Variants in ELAVL3 observed in about 807,000 individuals in gnomAD.
The protein encoded by ELAVL3 is ELAV-like protein 3.
A neutral mutation model predicts 34.2 loss-of-function variants in ELAVL3; 8 were observed. The ratio of observed to expected loss-of-function variants is 0.23; its 90% CI spans 0.14 to 0.42. The LOEUF is 0.42. ELAVL3 is among the 10% of genes least tolerant of loss of function. The pLI, the probability that ELAVL3 is intolerant of heterozygous loss-of-function variation, is 1.00. For synonymous variants in ELAVL3, 209 were observed against 222.1 expected (o/e 0.94, Z 0.53); for missense variants, 273 against 518.8 (o/e 0.53, Z 4.60).
At position 11,454,251 on chromosome 19, in the gene ELAVL3, A is replaced by G. The variant is rs949062470; in HGVS notation, c.*275T>C. 15 of 425,516 alleles carry G rather than the reference A, an allele frequency of 3.5e-5. No individual in the cohort carries two copies. Among genetic ancestry groups the G allele is most frequent in the Admixed American group, 3.2e-4 (8 of 25,338 alleles). 26.4% of individuals were successfully genotyped at this position (425,516 alleles called of 1,614,324 possible). A position where few individuals can be genotyped will look rare whatever the true frequency, so the allele number is the denominator to read the frequency against. On this transcript the variant is annotated 3_prime_UTR_variant, in exon 7 of 7. Transcript: ENST00000359227. The surrounding 1 kb of genome is among the most constrained non-coding windows in gnomAD (Gnocchi z 9.2). ...GCCGAAAAAAGAAACAAAAACCTTCACCATGAACCAAACCAAGACGAGAGA... is the reference window on the plus strand; with the variant it reads ...GCCGAAAAAAGAAACAAAAACCTTCGCCATGAACCAAACCAAGACGAGAGA...
chr19:11,466,875 G>C lies in ELAVL3; in HGVS notation c.10-48C>G. The C allele has an allele frequency of 6.6e-7, 1 of 1,513,740 alleles. No homozygotes were observed. The highest frequency in any genetic ancestry group is 9.0e-7 in the Non-Finnish European group (1 of 1,114,374). 93.8% of individuals were successfully genotyped at this position (1,513,740 alleles called of 1,614,324 possible). A position where few individuals can be genotyped will look rare whatever the true frequency, so the allele number is the denominator to read the frequency against. ...GCTCACCGCCCAGTCCCCACACCAGGGGCCTGCGGCAATGAGTGGCTTGGT... is the reference window on the plus strand; with the variant it reads ...GCTCACCGCCCAGTCCCCACACCAGCGGCCTGCGGCAATGAGTGGCTTGGT... On this transcript the variant is annotated intron_variant, in intron 1 of 6. Coordinates refer to ENST00000359227, the MANE Select transcript of ELAVL3 (RefSeq NM_001420.4). The surrounding 1 kb of genome is among the most constrained non-coding windows in gnomAD (Gnocchi z 5.0).
Position 11,457,053 on chromosome 19 carries a change from G to T in ELAVL3, c.752+57C>A, listed in dbSNP as rs952382361. The T allele has an allele frequency of 3.2e-5, 45 of 1,413,590 alleles. No individual in the cohort carries two copies. In the Middle Eastern group the frequency reaches 1.4e-3, roughly 45 times the overall value. The allele number at this position is 1,413,590 out of a possible 1,614,324, so 87.6% of individuals were successfully genotyped here. A position where few individuals can be genotyped will look rare whatever the true frequency, so the allele number is the denominator to read the frequency against. On this transcript the variant is annotated intron_variant, in intron 6 of 6. Transcript: ENST00000359227. ...AGCCCTGGGGGTGAGCTGGGGAGGGGTGCATCAGGGGCATGGATGGTGAGG... is the reference window on the plus strand; with the variant it reads ...AGCCCTGGGGGTGAGCTGGGGAGGGTTGCATCAGGGGCATGGATGGTGAGG...
Position 11,453,547 on chromosome 19 carries a change from G to A in ELAVL3, c.*979C>T, listed in dbSNP as rs1458337304. 6.5e-6 allele frequency: 1 copy of A among 152,792 alleles called. No individual in the cohort carries two copies. The highest frequency in any genetic ancestry group is 1.5e-5 in the Non-Finnish European group (1 of 68,066). 9.5% of individuals were successfully genotyped at this position (152,792 alleles called of 1,614,324 possible). A position where few individuals can be genotyped will look rare whatever the true frequency, so the allele number is the denominator to read the frequency against. ...ACGTGTGCACGTGGACAGGTGGATG[G>A]ATTCGTGTGCCCACATCTGTGGTCT... On this transcript the variant is annotated 3_prime_UTR_variant, in exon 7 of 7. Transcript: ENST00000359227.
chr19:11,476,460 A>G (rs2144914469), intron 1 of ELAVL3, among the ~76,000 whole-genome samples: 1 of 152,182 alleles, frequency 6.6e-6, no homozygotes, highest in African/African-American at 2.4e-5. Flanking sequence ...GAGAGGATCA[A>G]CTTGAGCCCA....
In ELAVL3 at chr19:11,458,047, G is replaced by A; in HGVS notation, c.713+14C>T. 1.9e-6 allele frequency: 3 copies of A among 1,609,168 alleles called. No individual in the cohort carries two copies. Among genetic ancestry groups the A allele is most frequent in the Non-Finnish European group, 2.5e-6 (3 of 1,179,736 alleles). ...GCACCCGGCCTGGGGCCATCTGGCT[G>A]GCAGGGGGCTCACCGGAAACGCTGG... On this transcript the variant is annotated intron_variant, in intron 5 of 6. Coordinates refer to ENST00000359227, the MANE Select transcript of ELAVL3 (RefSeq NM_001420.4). The surrounding 1 kb of genome is among the most constrained non-coding windows in gnomAD (Gnocchi z 7.3).
intron 6 of ELAVL3, 94 bp downstream of exon 6, chr19:11,457,016 G>A: frequency 8.3e-7 from 1 of 1,207,736 alleles, no homozygotes; most frequent in Non-Finnish European, 1.1e-6. Flanking sequence ...AGGCAAACAA[G>A]GCTAAGCCTG....
In ELAVL3 at chr19:11,480,448, A is replaced by C; in HGVS notation, c.9+152T>G. The C allele has an allele frequency of 1.1e-6, 1 of 944,888 alleles. No individual in the cohort carries two copies. The highest frequency in any genetic ancestry group is 1.4e-6 in the Non-Finnish European group (1 of 694,858). The allele number at this position is 944,888 out of a possible 1,614,324, so 58.5% of individuals were successfully genotyped here. On this transcript the variant is annotated intron_variant, in intron 1 of 6. Coordinates refer to ENST00000359227, the MANE Select transcript of ELAVL3 (RefSeq NM_001420.4). This position sits in a 1 kb window ranked among gnomAD's most constrained non-coding sequence, Gnocchi z 6.8. ...CAGCACTCTGGGCGCGGCCCTGCCC[A>C]CTCTCAGGCCCCGAGGCTTGGTCCT...
chr19:11,457,233 A>G (rs1051445060), intron 5 of ELAVL3, 85 bp from the exon 6 acceptor site: 1 of 983,258 alleles, frequency 1.0e-6, no homozygotes, highest in Admixed American at 6.2e-5. Flanking sequence ...CCCCACCCCC[A>G]CCCAACAGGC....
Position 11,454,930 on chromosome 19 carries a change from C to G in ELAVL3, c.753-53G>C. 5.2e-6 allele frequency: 8 copies of G among 1,530,758 alleles called. No homozygotes were observed. The highest frequency in any genetic ancestry group is 7.0e-6 in the Non-Finnish European group (8 of 1,139,412). 94.8% of individuals were successfully genotyped at this position (1,530,758 alleles called of 1,614,324 possible). On this transcript the variant is annotated intron_variant, in intron 6 of 6. Transcript: ENST00000359227. This position sits in a 1 kb window ranked among gnomAD's most constrained non-coding sequence, Gnocchi z 9.2. ...CCTGACCCCCCGCATGCTTCTGACCCCGTTGTGACCCTTCACACCTTTATG... is the reference window on the plus strand; with the variant it reads ...CCTGACCCCCCGCATGCTTCTGACCGCGTTGTGACCCTTCACACCTTTATG...
intron 3 of ELAVL3, among the ~76,000 whole-genome samples, chr19:11,459,510 G>A (rs953201841): frequency 1.1e-4 from 16 of 151,698 alleles, no homozygotes; most frequent in South Asian, 4.2e-4. Flanking sequence ...CTCATGATCC[G>A]CCCGCCTCCG....
intron 1 of ELAVL3, among the ~76,000 whole-genome samples, chr19:11,477,230 C>T (rs555104303): frequency 7.2e-5 from 11 of 152,158 alleles, no homozygotes; most frequent in Non-Finnish European, 1.6e-4. Context: ...AGAGGTCTCA[C>T]ATGTATGGAG....
At chr19:11,456,843 A>T (rs1221084272) in intron 6 of ELAVL3, among the ~76,000 whole-genome samples, 2 of 151,918 alleles carry the variant, frequency 1.3e-5, no homozygotes, top group Non-Finnish European at 2.9e-5. Flanking sequence ...CTTAAAAAAA[A>T]ATTGTAGAGA....
At position 11,461,983 on chromosome 19, in the gene ELAVL3, A is replaced by G. The variant is rs567950117; in HGVS notation, c.334-3372T>C. On this transcript the variant is annotated intron_variant, in intron 3 of 6. Coordinates refer to ENST00000359227, the MANE Select transcript of ELAVL3 (RefSeq NM_001420.4). ...AAGGTCAGGAGATCAAGACCATCCT[A>G]GCTAACATGGTGAAACCCCATCTCT... Among the ~76,000 whole-genome samples the G allele has an allele frequency of 7.2e-5, 11 of 151,896 alleles. No individual in the cohort carries two copies. The East Asian group carries it at 1.8e-3, about 24-fold the overall frequency.
In ELAVL3 at chr19:11,454,931, C is replaced by T. The variant is rs1206069974; in HGVS notation, c.753-54G>A. The stretch of plus-strand genomic sequence containing the variant: ...CTGACCCCCCGCATGCTTCTGACCC[C>T]GTTGTGACCCTTCACACCTTTATGA... On this transcript the variant is annotated intron_variant, in intron 6 of 6. Coordinates refer to ENST00000359227, the MANE Select transcript of ELAVL3 (RefSeq NM_001420.4). This position sits in a 1 kb window ranked among gnomAD's most constrained non-coding sequence, Gnocchi z 9.2. 9 of 1,530,506 alleles carry T rather than the reference C, an allele frequency of 5.9e-6. No individual in the cohort carries two copies. The highest frequency in any genetic ancestry group is 3.7e-5 in the Admixed American group (2 of 53,610). The allele number at this position is 1,530,506 out of a possible 1,614,324, so 94.8% of individuals were successfully genotyped here. A position where few individuals can be genotyped will look rare whatever the true frequency, so the allele number is the denominator to read the frequency against.
Position 11,454,291 on chromosome 19 carries a change from C to T in ELAVL3, c.*235G>A. The T allele has an allele frequency of 1.8e-6, 1 of 543,336 alleles. No homozygotes were observed. The highest frequency in any genetic ancestry group is 3.3e-6 in the Non-Finnish European group (1 of 306,110). 33.7% of individuals were successfully genotyped at this position (543,336 alleles called of 1,614,324 possible). ...AAGACGAGAGAGTGAACAGCCCAGC[C>T]TGGGGTGGGGGCAGGAGGATGGGGC... is the stretch of plus-strand genomic sequence containing the variant. On this transcript the variant is annotated 3_prime_UTR_variant, in exon 7 of 7. Coordinates refer to ENST00000359227, the MANE Select transcript of ELAVL3 (RefSeq NM_001420.4). This position sits in a 1 kb window ranked among gnomAD's most constrained non-coding sequence, Gnocchi z 9.2.
chr19:11,457,023 C>A (rs1970781422), intron 6 of ELAVL3, 87 bp downstream of exon 6: 1 of 1,256,988 alleles, frequency 8.0e-7, no homozygotes, highest in Non-Finnish European at 1.1e-6. Flanking sequence ...CAAGGCTAAG[C>A]CTGCAGCCCT....
At chr19:11,464,123 GTCTC>G (rs1165917141) in intron 3 of ELAVL3, among the ~76,000 whole-genome samples, 1,414 of 110,748 alleles carry the variant, frequency 0.013, 20 homozygotes, top group African/African-American at 0.029. Context: ...GTCTCTCTCT[GTCTC>G]TCTCTCTCTC....
intron 3 of ELAVL3, among the ~76,000 whole-genome samples, chr19:11,463,923 C>A (rs1033613704): frequency 2.2e-4 from 34 of 151,346 alleles, no homozygotes; most frequent in African/African-American, 8.0e-4. Flanking sequence ...GGGCCGAGAT[C>A]GCGCCATTGC....
At position 11,465,257 on chromosome 19, in the gene ELAVL3, C is replaced by T. The variant is rs552528472; in HGVS notation, c.333+915G>A. On this transcript the variant is annotated intron_variant, in intron 3 of 6. Transcript: ENST00000359227. ...CACCGCACACCACACACATACACAC[C>T]GCACACATACACCACACACATACAC... is the stretch of plus-strand genomic sequence containing the variant. Among the ~76,000 whole-genome samples, 11 of 100,324 alleles carry T rather than the reference C, an allele frequency of 1.1e-4. No homozygotes were observed. The South Asian group carries it at 2.7e-3, about 24-fold the overall frequency. 65.8% of individuals were successfully genotyped at this position (100,324 alleles called of 152,430 possible).
Sources: allele counts gnomAD v4.1 joint callset (sites outside exome capture counted in the v4.1 genomes callset), GRCh38; gene constraint gnomAD v4.1.1; non-coding constraint Gnocchi (gnomAD v3.1); transcripts MANE v1.5; gene names NCBI Gene and HGNC (gene_info 2026-07-23, HGNC 2026-07-21).